KIAA1549L: variants seen among roughly 807,000 people sequenced by gnomAD.
The protein encoded by KIAA1549L is UPF0606 protein KIAA1549L.
KIAA1549L carries 88 observed loss-of-function variants against 160.7 expected under a neutral mutation model. The ratio of observed to expected loss-of-function variants is 0.55; its 90% confidence interval spans 0.46 to 0.65. KIAA1549L has a LOEUF of 0.65. Ranked by LOEUF, KIAA1549L falls within the 30% of genes least tolerant of loss-of-function variation. The pLI, the probability that KIAA1549L is intolerant of heterozygous loss-of-function variation, is 0.00. For synonymous variants in KIAA1549L, 950 were observed against 976.7 expected (o/e 0.97, Z 0.51); for missense variants, 2,258 against 2,437.5 (o/e 0.93, Z 1.55).
At chr11:33,558,980 C>T (rs1854747239) in intron 6 of KIAA1549L, among the ~76,000 whole-genome samples, 1 of 151,878 alleles carries the variant, frequency 6.6e-6, no homozygotes, top group South Asian at 2.1e-4. Flanking sequence ...ATTACAGGCA[C>T]ATGCCACCAT....
chr11:33,496,527 A>G (rs749001923), intron 1 of KIAA1549L, among the ~76,000 whole-genome samples: 3 of 152,204 alleles, frequency 2.0e-5, no homozygotes, highest in African/African-American at 7.2e-5. Context: ...TTCCCATTTC[A>G]GTGTGGATGG....
chr11:33,524,299 T>G (rs1340426406), intron 1 of KIAA1549L, among the ~76,000 whole-genome samples: 1 of 152,142 alleles, frequency 6.6e-6, no homozygotes, highest in Non-Finnish European at 1.5e-5. Flanking sequence ...GTTGCCTCCT[T>G]TCTCATTCCT....
Position 33,595,401 on chromosome 11 carries a change from A to C in KIAA1549L, c.4752-3419A>C, listed in dbSNP as rs1850171465. On this transcript the variant is annotated intron_variant, in intron 12 of 20. Transcript: ENST00000658780. ...GCCACCATGCCTGGCTAATTTTTGT[A>C]TTTTTTTGGTAGAGATGGAGTTTCA... Among the ~76,000 whole-genome samples, 4 of 151,940 alleles carry C rather than the reference A, an allele frequency of 2.6e-5. No homozygotes were observed. In the South Asian group the frequency reaches 8.3e-4, roughly 32 times the overall value.
intron 15 of KIAA1549L, among the ~76,000 whole-genome samples, chr11:33,613,371 T>C (rs1422831913): frequency 6.6e-6 from 1 of 152,248 alleles, no homozygotes; most frequent in Non-Finnish European, 1.5e-5. Context: ...CTGAGCTTTT[T>C]TCATATGCTT....
chr11:33,479,921 G>A (rs998760082), intron 1 of KIAA1549L, among the ~76,000 whole-genome samples: 1 of 152,158 alleles, frequency 6.6e-6, no homozygotes, highest in South Asian at 2.1e-4. Flanking sequence ...TGTTTAACAC[G>A]CAGAAACTTG....
chr11:33,592,340 G>T (rs1378893700), intron 12 of KIAA1549L, among the ~76,000 whole-genome samples: 1 of 152,226 alleles, frequency 6.6e-6, no homozygotes, highest in Admixed American at 6.5e-5. Flanking sequence ...TTTGATGGCA[G>T]TGTGGATGAG....
At chr11:33,601,372 G>A (rs973764610) in intron 13 of KIAA1549L, among the ~76,000 whole-genome samples, 10 of 152,042 alleles carry the variant, frequency 6.6e-5, no homozygotes, top group African/African-American at 2.4e-4. Context: ...ACATACACTT[G>A]TTGTTTTTAT....
In KIAA1549L at chr11:33,614,825, A is replaced by T. The variant is rs958955664; in HGVS notation, c.5280-3708A>T. ...ACGGGGTTTCACCATGTTGGGCAGGATGGTCTCAATCTCCTGACCTCTTGA... is the reference window on the plus strand; with the variant it reads ...ACGGGGTTTCACCATGTTGGGCAGGTTGGTCTCAATCTCCTGACCTCTTGA... On this transcript the variant is annotated intron_variant, in intron 15 of 20. Coordinates refer to ENST00000658780, the MANE Select transcript of KIAA1549L (RefSeq NM_012194.3). Among the ~76,000 whole-genome samples the T allele has an allele frequency of 1.2e-3, 177 of 150,798 alleles. 3 individuals are homozygous for T. Among genetic ancestry groups the T allele is most frequent in the East Asian group, 1.8e-3 (9 of 5,072 alleles).
intron 12 of KIAA1549L, among the ~76,000 whole-genome samples, chr11:33,594,680 C>G (rs747958885): frequency 1.3e-5 from 2 of 152,214 alleles, no homozygotes; most frequent in Non-Finnish European, 2.9e-5. Flanking sequence ...AGTCCAGACT[C>G]AGCATGAGAG....
chr11:33,377,360 T>C (rs1426396311), intron 1 of KIAA1549L, among the ~76,000 whole-genome samples: 1 of 152,158 alleles, frequency 6.6e-6, no homozygotes, highest in African/African-American at 2.4e-5. Context: ...CCTTTTCTTT[T>C]GGGAAGGAGG....
intron 1 of KIAA1549L, among the ~76,000 whole-genome samples, chr11:33,458,723 G>A (rs562134131): frequency 6.6e-6 from 1 of 152,302 alleles, no homozygotes; most frequent in African/African-American, 2.4e-5. Context: ...AGAAGGAAAG[G>A]GCAAGTGGCC....
At chr11:33,387,384 C>T (rs1041356688) in intron 1 of KIAA1549L, among the ~76,000 whole-genome samples, 4 of 152,072 alleles carry the variant, frequency 2.6e-5, no homozygotes, top group Non-Finnish European at 5.9e-5. Context: ...CGGCTCACTG[C>T]AATCTCCACG....
intron 11 of KIAA1549L, among the ~76,000 whole-genome samples, chr11:33,587,292 A>G (rs919354935): frequency 1.3e-5 from 2 of 152,202 alleles, no homozygotes; most frequent in African/African-American, 4.8e-5. Flanking sequence ...TAGCTACTTC[A>G]TGATATTTTA....
At chr11:33,414,955 A>G (rs561024325) in intron 1 of KIAA1549L, among the ~76,000 whole-genome samples, 1 of 152,124 alleles carries the variant, frequency 6.6e-6, no homozygotes, top group South Asian at 2.1e-4. Context: ...CATATGTTGC[A>G]GATATTTTTT....
chr11:33,399,294 G>C (rs2134062267), intron 1 of KIAA1549L, among the ~76,000 whole-genome samples: 1 of 152,144 alleles, frequency 6.6e-6, no homozygotes, highest in Middle Eastern at 3.4e-3. Flanking sequence ...GTGTTTTGGG[G>C]TGGAAAGAAG....
chr11:33,549,166 C>G (rs1268516805), intron 4 of KIAA1549L, among the ~76,000 whole-genome samples: 2 of 151,174 alleles, frequency 1.3e-5, no homozygotes, highest in Non-Finnish European at 2.9e-5. Flanking sequence ...TTTATGGATT[C>G]TGTTTTAAAA....
intron 16 of KIAA1549L, among the ~76,000 whole-genome samples, chr11:33,639,552 A>T (rs1319063065): frequency 1.3e-5 from 2 of 152,022 alleles, no homozygotes; most frequent in Non-Finnish European, 2.9e-5. Context: ...TATTATTATT[A>T]TTTTTGAGAT....
chr11:33,437,192 A>G (rs986096142), intron 1 of KIAA1549L, among the ~76,000 whole-genome samples: 5 of 152,172 alleles, frequency 3.3e-5, no homozygotes, highest in African/African-American at 7.2e-5. Flanking sequence ...AATCATTTCA[A>G]ACTTTTTAGA....
chr11:33,452,076 G>A (rs1261999352), intron 1 of KIAA1549L, among the ~76,000 whole-genome samples: 1 of 152,170 alleles, frequency 6.6e-6, no homozygotes, highest in Non-Finnish European at 1.5e-5. Context: ...CAAAATCCCA[G>A]TAGAGGAGAA....
Sources: gnomAD v4.1 joint callset for allele counts (sites outside exome capture counted in the v4.1 genomes callset) on GRCh38, gnomAD v4.1.1 for gene constraint, MANE v1.5 for transcripts, NCBI Gene and HGNC (gene_info 2026-07-23, HGNC 2026-07-21) for gene names.